Variants in RALYL observed in about 807,000 individuals in gnomAD.
RALYL encodes RALY RNA binding protein like.
RALYL carries 29 observed loss-of-function variants against 35.1 expected under a neutral mutation model. The ratio of observed to expected loss-of-function variants is 0.83; its 90% confidence interval spans 0.61 to 1.13. The LOEUF (loss-of-function observed/expected upper bound fraction) is 1.13. RALYL is among the 50% of genes most tolerant of loss of function. RALYL has a pLI of 0.00. For missense variants in RALYL, 359 were observed against 360.4 expected, an observed-to-expected ratio of 1.00 and a Z score of 0.03; for synonymous variants, 120 against 127.6, an observed-to-expected ratio of 0.94 and a Z score of 0.40.
At chr8:84,851,921 G>A (rs1415154008) in intron 5 of RALYL, among the ~76,000 whole-genome samples, 1 of 152,166 alleles carries the variant, frequency 6.6e-6, no homozygotes, top group Non-Finnish European at 1.5e-5. Flanking sequence ...ATTCATGTCT[G>A]TCTTCCTTCC....
chr8:84,626,031 T>C (rs754311347), intron 2 of RALYL, among the ~76,000 whole-genome samples: 2 of 151,624 alleles, frequency 1.3e-5, no homozygotes, highest in Non-Finnish European at 2.9e-5. Context: ...ATAGCAGAGT[T>C]AGCAAAGAAA....
intron 4 of RALYL, among the ~76,000 whole-genome samples, chr8:84,843,563 A>G (rs1297386697): frequency 6.6e-6 from 1 of 152,214 alleles, no homozygotes; most frequent in Non-Finnish European, 1.5e-5. Context: ...TACAGATTCA[A>G]TGCCATCCTC....
intron 1 of RALYL, among the ~76,000 whole-genome samples, chr8:84,279,724 T>A (rs2132062677): frequency 6.6e-6 from 1 of 152,276 alleles, no homozygotes; most frequent in Admixed American, 6.5e-5. Flanking sequence ...AGCTTTTTCC[T>A]AGTATCACTA....
intron 2 of RALYL, among the ~76,000 whole-genome samples, chr8:84,661,824 C>A (rs183911159): frequency 7.2e-5 from 11 of 152,018 alleles, no homozygotes; most frequent in African/African-American, 1.9e-4. Flanking sequence ...CTTCTTCTTG[C>A]CTCTTTTCTT....
intron 1 of RALYL, among the ~76,000 whole-genome samples, chr8:84,472,606 CA>C (rs2052916573): frequency 6.6e-6 from 1 of 151,924 alleles, no homozygotes; most frequent in African/African-American, 2.4e-5. Flanking sequence ...TAGACCAGAT[CA>C]TAGGGAACTT....
chr8:84,210,492 TA>T (rs35507588), intron 1 of RALYL, among the ~76,000 whole-genome samples: 121 of 150,558 alleles, frequency 8.0e-4, no homozygotes, highest in African/African-American at 2.8e-3. Flanking sequence ...TTCATTGGCT[TA>T]AAAAAAAAGC....
chr8:84,855,518 A>G (rs1836778289), intron 5 of RALYL, among the ~76,000 whole-genome samples: 1 of 152,210 alleles, frequency 6.6e-6, no homozygotes, highest in Non-Finnish European at 1.5e-5. Context: ...TGGTTATTCT[A>G]AATTCTTATC....
At chr8:84,455,575 C>T (rs1418880590) in intron 1 of RALYL, among the ~76,000 whole-genome samples, 2 of 151,934 alleles carry the variant, frequency 1.3e-5, no homozygotes, top group Admixed American at 6.6e-5. Context: ...TTGAGCCATT[C>T]AGGGTTTAAA....
chr8:84,541,570 A>G (rs1258446546), intron 2 of RALYL, among the ~76,000 whole-genome samples: 2 of 152,010 alleles, frequency 1.3e-5, no homozygotes, highest in East Asian at 3.9e-4. Context: ...ATCCTTCTTT[A>G]TATGTCAAAC....
chr8:84,454,483 T>C (rs184593099), intron 1 of RALYL, among the ~76,000 whole-genome samples: 30 of 152,174 alleles, frequency 2.0e-4, no homozygotes, highest in Non-Finnish European at 3.2e-4. Context: ...AAGTAGAGTA[T>C]TTACCTTCAT....
At chr8:84,225,458 C>A (rs953747733) in intron 1 of RALYL, among the ~76,000 whole-genome samples, 14 of 152,184 alleles carry the variant, frequency 9.2e-5, no homozygotes, top group African/African-American at 2.7e-4. Flanking sequence ...AAGGCCCTGG[C>A]TGACTTGGCT....
At chr8:84,459,219 G>C (rs542874503) in intron 1 of RALYL, among the ~76,000 whole-genome samples, 2 of 151,800 alleles carry the variant, frequency 1.3e-5, no homozygotes, top group Admixed American at 1.3e-4. Context: ...CTACAAAAGG[G>C]ATTATTAAAT....
intron 2 of RALYL, among the ~76,000 whole-genome samples, chr8:84,720,432 G>GA (rs1453557476): frequency 6.6e-6 from 1 of 152,114 alleles, no homozygotes; most frequent in Non-Finnish European, 1.5e-5. Context: ...AAGGGTGCTG[G>GA]AAAAGCTGAA....
chr8:84,281,401 AT>A (rs1026649486), intron 1 of RALYL, among the ~76,000 whole-genome samples: 3 of 151,952 alleles, frequency 2.0e-5, no homozygotes, highest in Non-Finnish European at 4.4e-5. Flanking sequence ...CTTTGTTCGA[AT>A]TTTTTTTCTC....
At chr8:84,468,432 G>T in intron 1 of RALYL, among the ~76,000 whole-genome samples, 1 of 150,508 alleles carries the variant, frequency 6.6e-6, no homozygotes, top group East Asian at 2.0e-4. Flanking sequence ...TGAAATTCTG[G>T]GTTCAAAATT....
intron 2 of RALYL, among the ~76,000 whole-genome samples, chr8:84,684,566 G>T (rs1342385236): frequency 6.6e-6 from 1 of 152,204 alleles, no homozygotes; most frequent in Non-Finnish European, 1.5e-5. Flanking sequence ...GTGGACAAAA[G>T]CATTGATGAG....
At chr8:84,446,042 C>G (rs1587340835) in intron 1 of RALYL, among the ~76,000 whole-genome samples, 1 of 151,548 alleles carries the variant, frequency 6.6e-6, no homozygotes, top group Non-Finnish European at 1.5e-5. Flanking sequence ...ATTTAGATTT[C>G]CTTGTTTTAT....
intron 1 of RALYL, among the ~76,000 whole-genome samples, chr8:84,391,929 C>G (rs1307084753): frequency 6.6e-6 from 1 of 151,932 alleles, no homozygotes; most frequent in Non-Finnish European, 1.5e-5. Context: ...GTCATCAACC[C>G]TTATATTCAA....
chr8:84,548,807 C>G (rs1381210375), intron 2 of RALYL, among the ~76,000 whole-genome samples: 3 of 151,786 alleles, frequency 2.0e-5, no homozygotes, highest in African/African-American at 4.8e-5. Context: ...TCTTTTTGGA[C>G]CTAATTTGCT....
Sources: allele counts gnomAD v4.1 joint callset (sites outside exome capture counted in the v4.1 genomes callset), GRCh38; gene constraint gnomAD v4.1.1; transcripts MANE v1.5; gene names NCBI Gene and HGNC (gene_info 2026-07-23, HGNC 2026-07-21).